The following KLB variants were observed in gnomAD, a reference collection of about 807,000 sequenced individuals.
The protein encoded by KLB is beta-klotho.
In KLB, 44 loss-of-function variants were observed where a neutral mutation model predicts 88.4. The ratio of observed to expected loss-of-function variants is 0.50; its 90% CI spans 0.39 to 0.64. The LOEUF (loss-of-function observed/expected upper bound fraction) is 0.64, where lower values mean the gene tolerates loss of function less well. Among genes scored for constraint, KLB ranks in the 30% least tolerant of loss-of-function variants. The pLI is 0.00. For synonymous variants in KLB, 548 were observed against 513.4 expected, an observed-to-expected ratio of 1.07 and a Z score of -0.91; for missense variants, 1,137 against 1,304.8, an observed-to-expected ratio of 0.87 and a Z score of 1.98.
chr4:39,435,289 T>C (rs1578210724), intron 2 of KLB, among the ~76,000 whole-genome samples: 1 of 150,356 alleles, frequency 6.7e-6, no homozygotes, highest in East Asian at 2.0e-4. Flanking sequence ...AGCTAATTTT[T>C]TATATTTTGG....
intron 1 of KLB, among the ~76,000 whole-genome samples, chr4:39,431,408 C>T (rs1578208927): frequency 1.3e-5 from 2 of 152,074 alleles, no homozygotes; most frequent in Admixed American, 6.6e-5. Context: ...TGCGCCACCA[C>T]GACCGGCTAA....
Position 39,448,843 on chromosome 4 carries a change from T to G in KLB, c.*157T>G. 1 of 692,950 alleles carries G rather than the reference T, an allele frequency of 1.4e-6. No homozygotes were observed. Among genetic ancestry groups the G allele is most frequent in the Admixed American group, 2.9e-5 (1 of 34,334 alleles). 42.9% of individuals were successfully genotyped at this position (692,950 alleles called of 1,614,324 possible). A position where few individuals can be genotyped will look rare whatever the true frequency, so the allele number is the denominator to read the frequency against. ...CTCTGCTGTGTGGTTCAAAGAACAT[T>G]CCCTTAGGTGTTGACATCAGTGAAC... is the stretch of plus-strand genomic sequence containing the variant. On this transcript the variant is annotated 3_prime_UTR_variant, in exon 5 of 5. Coordinates refer to ENST00000257408, the MANE Select transcript of KLB (RefSeq NM_175737.4).
chr4:39,430,061 T>TA (rs1288802388), intron 1 of KLB, among the ~76,000 whole-genome samples: 1 of 152,238 alleles, frequency 6.6e-6, no homozygotes, highest in Non-Finnish European at 1.5e-5. Context: ...ACTGCAAAGA[T>TA]ATGTCTTCTG....
At chr4:39,447,921 CTG>C (rs1743796682) in intron 4 of KLB, among the ~76,000 whole-genome samples, 2 of 152,198 alleles carry the variant, frequency 1.3e-5, no homozygotes, top group Non-Finnish European at 2.9e-5. Context: ...GTAAAACCAA[CTG>C]TGATTCCTGG....
chr4:39,446,256 G>A lies in KLB; in HGVS notation c.1606-76G>A. 2 of 1,363,450 alleles carry A rather than the reference G, an allele frequency of 1.5e-6. No individual in the cohort carries two copies. Among genetic ancestry groups the A allele is most frequent in the South Asian group, 1.3e-5 (1 of 74,116 alleles). 84.5% of individuals were successfully genotyped at this position (1,363,450 alleles called of 1,614,324 possible). On this transcript the variant is annotated intron_variant, in intron 3 of 4. Transcript: ENST00000257408. This position sits in a 1 kb window ranked among gnomAD's most constrained non-coding sequence, Gnocchi z 6.4. Reference sequence around the variant, plus strand: ...GTGGCCTGTAATCCCAGCACTTTGGGAGGCAGAGGTAGGCAGATCACTTGA... The same window carrying A: ...GTGGCCTGTAATCCCAGCACTTTGGAAGGCAGAGGTAGGCAGATCACTTGA...
At chr4:39,425,494 A>T (rs1743185622) in intron 1 of KLB, among the ~76,000 whole-genome samples, 2 of 152,208 alleles carry the variant, frequency 1.3e-5, no homozygotes, top group Non-Finnish European at 2.9e-5. Flanking sequence ...CAGTGGTGTG[A>T]ACACAGCTCA....
intron 1 of KLB, among the ~76,000 whole-genome samples, chr4:39,408,012 C>T (rs553825034): frequency 1.3e-5 from 2 of 152,288 alleles, no homozygotes; most frequent in African/African-American, 4.8e-5. Flanking sequence ...ATTTTTAAAT[C>T]TACCATTATA....
chr4:39,448,586 T>C lies in KLB; in HGVS notation c.3035T>C (p.Leu1012Ser). ...CCFFSTLVLL[L>S]SIAIFQRQKR... is the part of the protein sequence containing the mutation. ...TTCTTCTCCACCCTGGTTCTACTCT[T>C]ATCAATTGCCATTTTTCAAAGGCAG... The change falls in exon 5 of 5, where the codon TTA (leucine) becomes TCA (serine). Residue 1012 changes from leucine (L) to serine (S), a missense_variant. Physicochemically the swap from Leu to Ser is moderately radical, Grantham distance 145 (BLOSUM62 -2). Transcript: ENST00000257408. The C allele has an allele frequency of 1.2e-6, 2 of 1,614,190 alleles. No homozygotes were observed. Among genetic ancestry groups the C allele is most frequent in the South Asian group, 2.2e-5 (2 of 91,086 alleles).
intron 3 of KLB, among the ~76,000 whole-genome samples, chr4:39,445,106 A>C (rs76476284): frequency 6.6e-6 from 1 of 152,332 alleles, no homozygotes; most frequent in East Asian, 1.9e-4. Flanking sequence ...CTAGCAGGCA[A>C]TTATTGCCAC....
rs181268602 is a variant in KLB, at chr4:39,434,893, G to A, written c.1336+173G>A. 2.9e-3 allele frequency among the ~76,000 whole-genome samples: 439 copies of A among 151,302 alleles called. 3 individuals are homozygous for A. Among genetic ancestry groups the A allele is most frequent in the African/African-American group, 1.0e-2 (412 of 41,240 alleles). Reference sequence around the variant, plus strand: ...ACCATCTTGGCTCACTGCAACCTCCGCCTCCTGGGTTCAAGTGATTCTCCT... The same window carrying A: ...ACCATCTTGGCTCACTGCAACCTCCACCTCCTGGGTTCAAGTGATTCTCCT... On this transcript the variant is annotated intron_variant, in intron 2 of 4. Transcript: ENST00000257408.
chr4:39,447,803 G>A (rs546488907), intron 4 of KLB, among the ~76,000 whole-genome samples: 1 of 152,182 alleles, frequency 6.6e-6, no homozygotes, highest in African/African-American at 2.4e-5. Flanking sequence ...AATGGTTGTG[G>A]GTAAACAGGT....
intron 1 of KLB, among the ~76,000 whole-genome samples, chr4:39,412,623 A>G (rs1391822196): frequency 6.6e-6 from 1 of 152,124 alleles, no homozygotes; most frequent in Non-Finnish European, 1.5e-5. Context: ...CACTGCCTCC[A>G]AGTCATTCTT....
chr4:39,443,143 C>A (rs1464790812), intron 3 of KLB, among the ~76,000 whole-genome samples: 1 of 152,076 alleles, frequency 6.6e-6, no homozygotes, highest in African/African-American at 2.4e-5. Flanking sequence ...GCCTTTGTAT[C>A]ATATCAGGAG....
intron 3 of KLB, among the ~76,000 whole-genome samples, chr4:39,443,976 G>T (rs28573932): frequency 0.018 from 2,795 of 152,004 alleles, 87 homozygotes; most frequent in African/African-American, 0.064. Flanking sequence ...GGCCAACATG[G>T]TGAAGCCCCG....
At position 39,451,085 on chromosome 4, in the gene KLB, G is replaced by A. The variant is rs1051126683; in HGVS notation, c.*2399G>A. The A allele has an allele frequency of 6.6e-6, 1 of 152,012 alleles. No individual in the cohort carries two copies. Among genetic ancestry groups the A allele is most frequent in the African/African-American group, 2.4e-5 (1 of 41,376 alleles). 9.4% of individuals were successfully genotyped at this position (152,012 alleles called of 1,614,324 possible). A position where few individuals can be genotyped will look rare whatever the true frequency, so the allele number is the denominator to read the frequency against. ...CCTAAGTAATAAAATTCCTAACCCA[G>A]TACTGAGAGTCCTCCTTCTCTGCCA... On this transcript the variant is annotated 3_prime_UTR_variant, in exon 5 of 5. Transcript: ENST00000257408.
intron 1 of KLB, among the ~76,000 whole-genome samples, chr4:39,408,334 A>G (rs1210519707): frequency 2.0e-5 from 3 of 152,182 alleles, no homozygotes; most frequent in Non-Finnish European, 4.4e-5. Flanking sequence ...TATGGGAGCT[A>G]AACACATTTC....
chr4:39,429,702 C>A (rs1008591731), intron 1 of KLB, among the ~76,000 whole-genome samples: 1 of 152,204 alleles, frequency 6.6e-6, no homozygotes, highest in South Asian at 2.1e-4. Context: ...GCCCAGGTTG[C>A]ACTCCCCTAC....
At chr4:39,443,875 C>T (rs757793679) in intron 3 of KLB, among the ~76,000 whole-genome samples, 2 of 151,196 alleles carry the variant, frequency 1.3e-5, no homozygotes, top group Admixed American at 6.6e-5. Context: ...TTTCATGAAC[C>T]GGGCCGGGCA....
rs369597090 is a variant in KLB, at chr4:39,407,177, T to C, written c.228T>C (p.Phe76=). ...NFTPVNESQL[F]LYDTFPKNFF... ...CTCCGGTAAATGAAAGTCAGCTGTT[T>C]CTCTATGACACTTTCCCTAAAAACT... Residue 76 remains phenylalanine (F), a synonymous_variant, in exon 1 of 5, where the codon TTT becomes TTC. Transcript: ENST00000257408. 1.1e-4 allele frequency: 181 copies of C among 1,614,030 alleles called. 1 individual carries two copies. Among genetic ancestry groups the C allele is most frequent in the Non-Finnish European group, 1.5e-4 (174 of 1,179,996 alleles).
Sources: gnomAD v4.1 joint callset for allele counts (sites outside exome capture counted in the v4.1 genomes callset) on GRCh38, gnomAD v4.1.1 for gene constraint, Gnocchi (gnomAD v3.1) non-coding constraint, MANE v1.5 for transcripts, NCBI Gene and HGNC (gene_info 2026-07-23, HGNC 2026-07-21) for gene names.